Variants in ARFGEF2 observed in about 807,000 individuals in gnomAD.
ARFGEF2 encodes brefeldin A-inhibited guanine nucleotide-exchange protein 2.
Under a neutral mutation model 219.9 loss-of-function variants are expected in ARFGEF2, and 74 were observed. The ratio of observed to expected loss-of-function variants is 0.34; its 90% CI spans 0.28 to 0.41. ARFGEF2 has a LOEUF of 0.41. Ranked by LOEUF, ARFGEF2 falls within the 10% of genes least tolerant of loss-of-function variation. The pLI is 1.00. For missense variants in ARFGEF2, 1,743 were observed against 2,218.3 expected (o/e 0.79, Z 4.30); for synonymous variants, 733 against 799.2 (o/e 0.92, Z 1.40).
chr20:48,959,479 C>CCCTCCCTCCCTCACTCCCTCCCTCCT (rs2091128379), intron 6 of ARFGEF2, among the ~76,000 whole-genome samples: 17 of 5,152 alleles, frequency 3.3e-3, no homozygotes, highest in East Asian at 6.5e-3. Context: ...TTCTCTCCTT[C>CCCTCCCTCCCTCACTCCCTCCCTCCT]TCTTTTCCTC....
rs749248890 is a variant in ARFGEF2, at chr20:49,025,476, G to A, written c.4919G>A (p.Arg1640Gln). 3.1e-6 allele frequency: 5 copies of A among 1,613,960 alleles called. No individual in the cohort carries two copies. The East Asian group carries it at 6.7e-5, about 22-fold the overall frequency. Reference protein sequence around the residue: ...SNYEQRTVLWRAGFKGKSKPN... With the variant: ...SNYEQRTVLWQAGFKGKSKPN... ...TACGAGCAGCGGACTGTCCTGTGGC[G>A]AGCAGGTAAGGCCACACAGCAGATA... is the stretch of plus-strand genomic sequence containing the variant. Residue 1640 changes from arginine (R) to glutamine (Q), a missense_variant, in exon 36 of 39, where the codon CGA becomes CAA. By Grantham distance (43) the Arg-to-Gln change is conservative. Coordinates refer to ENST00000371917, the MANE Select transcript of ARFGEF2 (RefSeq NM_006420.3).
intron 14 of ARFGEF2, among the ~76,000 whole-genome samples, chr20:48,978,545 A>G (rs1319895638): frequency 1.3e-5 from 2 of 152,184 alleles, no homozygotes; most frequent in Admixed American, 6.5e-5. Flanking sequence ...CATTGAATCT[A>G]TAAATTACCT....
chr20:48,975,445 G>T, intron 13 of ARFGEF2, among the ~76,000 whole-genome samples: 1 of 152,118 alleles, frequency 6.6e-6, no homozygotes, highest in Middle Eastern at 3.4e-3. Context: ...CCTCCTATTC[G>T]TTGTTCTTTA....
intron 3 of ARFGEF2, 130 bp from the exon 4 acceptor site, chr20:48,951,193 G>T: frequency 8.9e-7 from 1 of 1,127,504 alleles, no homozygotes. Context: ...GGTTATGCCT[G>T]CCTGGCTCCT....
At chr20:48,926,787 C>T (rs2090879507) in intron 1 of ARFGEF2, among the ~76,000 whole-genome samples, 1 of 152,168 alleles carries the variant, frequency 6.6e-6, no homozygotes. Flanking sequence ...TCTTTGGGTA[C>T]AGCAGGCAAT....
intron 16 of ARFGEF2, 115 bp from the exon 17 acceptor site, chr20:48,988,189 A>G (rs984961007): frequency 2.6e-6 from 2 of 760,724 alleles, no homozygotes; most frequent in African/African-American, 1.7e-5. Flanking sequence ...CTCTTGCCTC[A>G]TTTGGAATCA....
chr20:48,994,644 A>G, intron 22 of ARFGEF2, 46 bp downstream of exon 22: 2 of 1,608,620 alleles, frequency 1.2e-6, no homozygotes, highest in Non-Finnish European at 1.7e-6. Flanking sequence ...TTTGCAAGCT[A>G]ACGGGGATGA....
chr20:48,940,604 G>A (rs974305715), intron 1 of ARFGEF2, among the ~76,000 whole-genome samples: 2 of 152,230 alleles, frequency 1.3e-5, no homozygotes, highest in Non-Finnish European at 2.9e-5. Flanking sequence ...TGGCTGTAGA[G>A]CCAGAAAGCC....
chr20:48,936,852 G>C (rs2090961572), intron 1 of ARFGEF2, among the ~76,000 whole-genome samples: 2 of 152,206 alleles, frequency 1.3e-5, no homozygotes, highest in South Asian at 2.1e-4. Context: ...CTAATGACCA[G>C]AGATGATGAG....
chr20:49,016,178 T>C, intron 30 of ARFGEF2, 102 bp from the exon 31 acceptor site: 14 of 1,226,688 alleles, frequency 1.1e-5, no homozygotes, highest in Non-Finnish European at 1.5e-5. Flanking sequence ...TTGATACATA[T>C]CACCAAATTG....
At chr20:49,024,212 A>G (rs551004847) in intron 35 of ARFGEF2, among the ~76,000 whole-genome samples, 6 of 152,216 alleles carry the variant, frequency 3.9e-5, no homozygotes, top group East Asian at 1.9e-4. Flanking sequence ...GACTCAAGCA[A>G]TCTGCCCACC....
chr20:49,023,525 T>G (rs1165352126), intron 35 of ARFGEF2, among the ~76,000 whole-genome samples: 7 of 23,934 alleles, frequency 2.9e-4, no homozygotes, highest in East Asian at 1.5e-3. Flanking sequence ...TTTTTCTGGT[T>G]TTTTTTTTTT....
chr20:48,963,387 G>C (rs1319469032), intron 6 of ARFGEF2, among the ~76,000 whole-genome samples: 1 of 152,114 alleles, frequency 6.6e-6, no homozygotes, highest in Admixed American at 6.6e-5. Flanking sequence ...CAGATTCTGG[G>C]TTTACAGTGT....
chr20:48,967,201 G>A (rs1309612056), intron 8 of ARFGEF2, among the ~76,000 whole-genome samples: 3 of 152,100 alleles, frequency 2.0e-5, no homozygotes, highest in Admixed American at 1.3e-4. Context: ...CAAGGGACTC[G>A]TGTTATATGC....
chr20:48,941,293 A>C (rs901295620), intron 2 of ARFGEF2, 64 bp downstream of exon 2: 2 of 1,536,046 alleles, frequency 1.3e-6, no homozygotes, highest in Non-Finnish European at 1.8e-6. Flanking sequence ...CAACTGGGGG[A>C]GCCTCTTTCT....
At chr20:48,936,512 AGG>A (rs1194382118) in intron 1 of ARFGEF2, among the ~76,000 whole-genome samples, 1 of 150,774 alleles carries the variant, frequency 6.6e-6, no homozygotes, top group African/African-American at 2.4e-5. Context: ...TGCCGGGCAG[AGG>A]GTCTCCTCAC....
intron 4 of ARFGEF2, among the ~76,000 whole-genome samples, 172 bp downstream of exon 4, chr20:48,951,641 C>T (rs1157147560): frequency 6.6e-6 from 1 of 152,156 alleles, no homozygotes; most frequent in Non-Finnish European, 1.5e-5. Flanking sequence ...TTAGCGTGGA[C>T]TGAGACAAGA....
intron 1 of ARFGEF2, among the ~76,000 whole-genome samples, chr20:48,933,026 G>T (rs1370362833): frequency 6.6e-6 from 1 of 152,196 alleles, no homozygotes; most frequent in African/African-American, 2.4e-5. Flanking sequence ...TGCCTTGGGA[G>T]TGGAAGAGAG....
chr20:49,018,377 A>T (rs2091544205), intron 33 of ARFGEF2, among the ~76,000 whole-genome samples: 1 of 152,090 alleles, frequency 6.6e-6, no homozygotes, highest in South Asian at 2.1e-4. Context: ...CTGGGATTAC[A>T]GGTGCCCGCC....
Sources: gnomAD v4.1 joint callset for allele counts (sites outside exome capture counted in the v4.1 genomes callset) on GRCh38, gnomAD v4.1.1 for gene constraint, MANE v1.5 for transcripts, NCBI Gene and HGNC (gene_info 2026-07-23, HGNC 2026-07-21) for gene names.